IMMP2L: variants seen among roughly 807,000 people sequenced by gnomAD.
IMMP2L encodes the protein mitochondrial inner membrane protease subunit 2.
Under a neutral mutation model 19.3 loss-of-function variants are expected in IMMP2L, and 18 were observed. The observed-to-expected ratio is 0.93, with a 90% confidence interval of 0.64 to 1.38. The LOEUF (loss-of-function observed/expected upper bound fraction) is 1.38. Ranked by LOEUF, IMMP2L falls within the 40% of genes most tolerant of loss-of-function variation. The probability of loss-of-function intolerance (pLI) is 0.00; values close to 1 mark genes in which losing one functional copy is unlikely to be tolerated. For missense variants in IMMP2L, 233 were observed against 218.2 expected (o/e 1.07, Z -0.43); for synonymous variants, 76 against 73.0 (o/e 1.04, Z -0.21).
intron 3 of IMMP2L, among the ~76,000 whole-genome samples, chr7:111,141,244 T>C (rs965195697): frequency 2.0e-5 from 3 of 152,010 alleles, no homozygotes; most frequent in Admixed American, 6.6e-5. Flanking sequence ...TTAAAGTCTT[T>C]GATACAATTT....
chr7:110,907,577 T>C (rs984213511), intron 4 of IMMP2L, among the ~76,000 whole-genome samples: 2 of 152,160 alleles, frequency 1.3e-5, no homozygotes, highest in African/African-American at 4.8e-5. Flanking sequence ...GTTCTCACTT[T>C]GGGCTGTGGT....
chr7:110,796,247 A>T (rs1272430292), intron 5 of IMMP2L, among the ~76,000 whole-genome samples: 1 of 152,054 alleles, frequency 6.6e-6, no homozygotes, highest in Non-Finnish European at 1.5e-5. Flanking sequence ...CTTTATTAGC[A>T]GCATGAGAAA....
intron 3 of IMMP2L, among the ~76,000 whole-genome samples, chr7:110,985,369 T>C (rs1474270196): frequency 1.3e-5 from 2 of 152,146 alleles, no homozygotes; most frequent in African/African-American, 4.8e-5. Flanking sequence ...CTTTGGCCCT[T>C]CCTCAGACCT....
chr7:110,798,785 T>C (rs1269997140), intron 5 of IMMP2L, among the ~76,000 whole-genome samples: 2 of 151,782 alleles, frequency 1.3e-5, no homozygotes, highest in Non-Finnish European at 2.9e-5. Flanking sequence ...ATTATCTGAT[T>C]AAAGGGAAAC....
rs749861150 is a variant in IMMP2L at position 111,319,417 on chromosome 7, T to TA, written c.239+167820dup. On this transcript the variant is annotated intron_variant, in intron 3 of 5. Coordinates refer to ENST00000405709, the MANE Select transcript of IMMP2L (RefSeq NM_032549.4). ...TAATATAATGTTATTTCCAAAACCG[T>TA]AAAAAAAATTCATAGTTTAGCAGAT... is the stretch of plus-strand genomic sequence containing the variant. Among the ~76,000 whole-genome samples, 40 of 151,990 alleles carry TA rather than the reference T, an allele frequency of 2.6e-4. 1 individual carries two copies. The South Asian group carries it at 7.9e-3, about 30-fold the overall frequency.
intron 3 of IMMP2L, among the ~76,000 whole-genome samples, chr7:111,150,058 T>C (rs1803904243): frequency 6.6e-6 from 1 of 152,176 alleles, no homozygotes; most frequent in African/African-American, 2.4e-5. Flanking sequence ...TTTATTTGAC[T>C]TTGTCATGTC....
chr7:110,821,311 T>A (rs1803007198), intron 5 of IMMP2L, among the ~76,000 whole-genome samples: 1 of 152,130 alleles, frequency 6.6e-6, no homozygotes, highest in Non-Finnish European at 1.5e-5. Flanking sequence ...AGCACTACAA[T>A]AAATGATCAG....
At chr7:110,745,313 G>C (rs1004040741) in intron 5 of IMMP2L, among the ~76,000 whole-genome samples, 7 of 152,204 alleles carry the variant, frequency 4.6e-5, no homozygotes, top group Non-Finnish European at 8.8e-5. Context: ...ATGGAACCAA[G>C]TTGGAAAACA....
intron 3 of IMMP2L, among the ~76,000 whole-genome samples, chr7:111,275,878 G>A (rs1256535582): frequency 6.6e-6 from 1 of 152,034 alleles, no homozygotes; most frequent in Admixed American, 6.6e-5. Flanking sequence ...GCTGATTCCT[G>A]TATATTAATT....
chr7:111,101,816 T>C (rs1238572891), intron 3 of IMMP2L, among the ~76,000 whole-genome samples: 1 of 151,384 alleles, frequency 6.6e-6, no homozygotes, highest in South Asian at 2.1e-4. Flanking sequence ...GTGGTAAACA[T>C]AGTTCCTATC....
At chr7:110,745,732 A>T (rs1797291900) in intron 5 of IMMP2L, among the ~76,000 whole-genome samples, 1 of 152,242 alleles carries the variant, frequency 6.6e-6, no homozygotes, top group South Asian at 2.1e-4. Context: ...GGCCTGCCCT[A>T]CAGGAACTCC....
intron 3 of IMMP2L, among the ~76,000 whole-genome samples, chr7:110,998,778 G>A (rs1436839087): frequency 4.6e-5 from 7 of 152,042 alleles, no homozygotes; most frequent in Non-Finnish European, 7.4e-5. Flanking sequence ...GCTAGAAAAC[G>A]GGCACAGTGT....
At chr7:111,354,750 T>C (rs1386374174) in intron 3 of IMMP2L, among the ~76,000 whole-genome samples, 4 of 151,512 alleles carry the variant, frequency 2.6e-5, no homozygotes, top group African/African-American at 9.7e-5. Flanking sequence ...GGAAGACTTA[T>C]TGGAAAGAAT....
intron 1 of IMMP2L, among the ~76,000 whole-genome samples, 176 bp downstream of exon 1, chr7:111,561,675 A>C (rs1415595643): frequency 6.6e-6 from 1 of 152,042 alleles, no homozygotes; most frequent in East Asian, 1.9e-4. Context: ...GAGGCTGAAA[A>C]CAGTCCGGGG....
intron 3 of IMMP2L, among the ~76,000 whole-genome samples, chr7:111,445,164 T>C (rs1838194436): frequency 6.6e-6 from 1 of 152,042 alleles, no homozygotes; most frequent in African/African-American, 2.4e-5. Flanking sequence ...ACAATTATCC[T>C]TCTCTAGATT....
intron 3 of IMMP2L, among the ~76,000 whole-genome samples, chr7:111,290,806 C>T (rs1305207047): frequency 8.1e-6 from 1 of 123,338 alleles, no homozygotes; most frequent in Non-Finnish European, 1.7e-5. Flanking sequence ...CTCTCTCTCT[C>T]TCACTATATA....
intron 3 of IMMP2L, among the ~76,000 whole-genome samples, chr7:111,075,381 G>T (rs1156908950): frequency 6.6e-6 from 1 of 152,034 alleles, no homozygotes; most frequent in Non-Finnish European, 1.5e-5. Flanking sequence ...AACCGCCTTG[G>T]CCTCCCAAAG....
intron 3 of IMMP2L, among the ~76,000 whole-genome samples, chr7:111,353,068 A>G (rs962600960): frequency 6.6e-6 from 1 of 152,196 alleles, no homozygotes; most frequent in Non-Finnish European, 1.5e-5. Flanking sequence ...CATGTCATTC[A>G]ATATGGGACA....
intron 5 of IMMP2L, among the ~76,000 whole-genome samples, chr7:110,797,389 G>A (rs980157783): frequency 4.0e-5 from 6 of 151,876 alleles, no homozygotes; most frequent in African/African-American, 1.2e-4. Context: ...CTTTATTCAA[G>A]AATAAATTAT....
Sources: gnomAD v4.1 joint callset for allele counts (sites outside exome capture counted in the v4.1 genomes callset) on GRCh38, gnomAD v4.1.1 for gene constraint, MANE v1.5 for transcripts, NCBI Gene and HGNC (gene_info 2026-07-23, HGNC 2026-07-21) for gene names.